CTIF: variants seen among roughly 807,000 people sequenced by gnomAD.
The protein encoded by CTIF is cap binding complex dependent translation initiation factor.
CTIF carries 21 observed loss-of-function variants against 66.0 expected under a neutral mutation model. That is an observed-to-expected ratio of 0.32 (90% CI 0.23 to 0.46). The LOEUF (loss-of-function observed/expected upper bound fraction) is 0.46. Among genes scored for constraint, CTIF ranks in the 20% least tolerant of loss-of-function variants. The pLI, the probability that CTIF is intolerant of heterozygous loss-of-function variation, is 1.00. For synonymous variants in CTIF, 345 were observed against 326.4 expected, an observed-to-expected ratio of 1.06 and a Z score of -0.62; for missense variants, 739 against 812.7, an observed-to-expected ratio of 0.91 and a Z score of 1.10.
At chr18:48,789,894 G>T (rs931788355) in intron 9 of CTIF, among the ~76,000 whole-genome samples, 4 of 152,254 alleles carry the variant, frequency 2.6e-5, no homozygotes, top group Non-Finnish European at 4.4e-5. Flanking sequence ...GAAGAGTATA[G>T]ATGCTAGAGC....
intron 10 of CTIF, among the ~76,000 whole-genome samples, chr18:48,852,156 C>G (rs899840614): frequency 1.0e-4 from 15 of 144,714 alleles, no homozygotes; most frequent in African/African-American, 3.6e-4. Flanking sequence ...ATTGCTTAAG[C>G]CCAGCAGGTT....
At chr18:48,735,078 G>C (rs2092488448) in intron 7 of CTIF, among the ~76,000 whole-genome samples, 2 of 148,708 alleles carry the variant, frequency 1.3e-5, no homozygotes, top group South Asian at 2.1e-4. Flanking sequence ...ATATGTGCAT[G>C]TATGTCCAGT....
At chr18:48,857,176 T>C (rs2069348052) in intron 10 of CTIF, among the ~76,000 whole-genome samples, 1 of 152,236 alleles carries the variant, frequency 6.6e-6, no homozygotes. Context: ...CTGAACCTCC[T>C]CACCCATAGA....
intron 9 of CTIF, among the ~76,000 whole-genome samples, chr18:48,787,858 A>C (rs2146107756): frequency 6.6e-6 from 1 of 152,166 alleles, no homozygotes; most frequent in African/African-American, 2.4e-5. Flanking sequence ...CCCTGAGGGG[A>C]CTGGCCACAC....
At chr18:48,571,304 G>T (rs2089410675) in intron 1 of CTIF, among the ~76,000 whole-genome samples, 1 of 151,950 alleles carries the variant, frequency 6.6e-6, no homozygotes, top group African/African-American at 2.4e-5. Flanking sequence ...TTACAGGCAG[G>T]CGCCACCACG....
chr18:48,541,965 G>A (rs1877417), intron 1 of CTIF, among the ~76,000 whole-genome samples: 4,393 of 152,116 alleles, frequency 0.029, 80 homozygotes, highest in Non-Finnish European at 0.046. Context: ...CCTCTGGGTG[G>A]GGGAAGGGCC....
chr18:48,689,049 G>C (rs918885118), intron 6 of CTIF, among the ~76,000 whole-genome samples: 1 of 152,238 alleles, frequency 6.6e-6, no homozygotes, highest in Admixed American at 6.5e-5. Context: ...GGGGCACAGA[G>C]AGGTGAGGGC....
intron 3 of CTIF, among the ~76,000 whole-genome samples, chr18:48,649,259 G>A (rs548964193): frequency 1.3e-5 from 2 of 152,308 alleles, no homozygotes; most frequent in African/African-American, 4.8e-5. Context: ...CCCAAATACT[G>A]CACTTTTCCA....
chr18:48,820,644 T>G (rs989920067), intron 10 of CTIF, among the ~76,000 whole-genome samples: 10 of 152,172 alleles, frequency 6.6e-5, no homozygotes, highest in African/African-American at 2.4e-4. Flanking sequence ...CCATGCTGCC[T>G]GCCTCCCTGC....
At chr18:48,859,320 C>T in intron 11 of CTIF, 24 bp from the exon 12 acceptor site, 1 of 1,611,346 alleles carries the variant, frequency 6.2e-7, no homozygotes, top group Non-Finnish European at 8.5e-7. Flanking sequence ...CGAGGCCATC[C>T]TAACCCCACA....
chr18:48,663,618 C>CT (rs2091383518), intron 3 of CTIF, 134 bp from the exon 4 acceptor site: 2 of 771,878 alleles, frequency 2.6e-6, no homozygotes, highest in African/African-American at 1.7e-5. Flanking sequence ...TCCCCTGACT[C>CT]TGACTGGGTG....
chr18:48,790,761 G>A (rs1231166066), intron 9 of CTIF, among the ~76,000 whole-genome samples: 2 of 152,182 alleles, frequency 1.3e-5, no homozygotes, highest in East Asian at 1.9e-4. Flanking sequence ...GACCCCGCCC[G>A]GCTGGAGCCA....
chr18:48,773,005 A>C (rs1599017561), intron 9 of CTIF, among the ~76,000 whole-genome samples: 1 of 152,226 alleles, frequency 6.6e-6, no homozygotes, highest in East Asian at 1.9e-4. Flanking sequence ...ACACTGCCTT[A>C]CTGAAATTCA....
At chr18:48,805,703 T>C (rs1387744117) in intron 9 of CTIF, among the ~76,000 whole-genome samples, 2 of 152,236 alleles carry the variant, frequency 1.3e-5, no homozygotes, top group Non-Finnish European at 2.9e-5. Context: ...GGACTGGGAC[T>C]GGCCCAGAGA....
intron 1 of CTIF, among the ~76,000 whole-genome samples, chr18:48,574,415 CAA>C (rs1369909687): frequency 5.3e-5 from 8 of 152,170 alleles, no homozygotes; most frequent in Non-Finnish European, 1.0e-4. Context: ...AAAAAGGAAA[CAA>C]AATTAATGTC....
At chr18:48,737,607 A>C (rs1477628365) in intron 7 of CTIF, among the ~76,000 whole-genome samples, 1 of 151,280 alleles carries the variant, frequency 6.6e-6, no homozygotes, top group African/African-American at 2.4e-5. Context: ...GAACCTTACT[A>C]ATGTTAACTG....
intron 1 of CTIF, chr18:48,568,262 CATT>C (rs967124533): frequency 5.9e-5 from 9 of 152,150 alleles, no homozygotes; most frequent in Admixed American, 3.3e-4. Context: ...GAGTACATGA[CATT>C]ATCGAAACAC....
intron 3 of CTIF, among the ~76,000 whole-genome samples, chr18:48,657,616 A>G (rs1183322696): frequency 6.6e-6 from 1 of 152,102 alleles, no homozygotes; most frequent in Non-Finnish European, 1.5e-5. Flanking sequence ...GGGAGTGTGC[A>G]GGGTACGTGC....
intron 3 of CTIF, among the ~76,000 whole-genome samples, chr18:48,658,134 G>C (rs746150089): frequency 4.6e-5 from 7 of 152,146 alleles, no homozygotes; most frequent in Non-Finnish European, 8.8e-5. Flanking sequence ...ATGTGTATGT[G>C]TGTGTGGTAC....
Sources: gnomAD v4.1 joint callset for allele counts (sites outside exome capture counted in the v4.1 genomes callset) on GRCh38, gnomAD v4.1.1 for gene constraint, MANE v1.5 for transcripts, NCBI Gene and HGNC (gene_info 2026-07-23, HGNC 2026-07-21) for gene names.